The following AEBP2 variants were observed in gnomAD, a reference collection of about 807,000 sequenced individuals.
AEBP2 encodes zinc finger protein AEBP2.
AEBP2 carries 10 observed loss-of-function variants against 50.8 expected under a neutral mutation model. The observed-to-expected ratio is 0.20, with a 90% CI of 0.12 to 0.33. AEBP2 has a LOEUF of 0.33. Among genes scored for constraint, AEBP2 ranks in the 10% least tolerant of loss-of-function variants. The pLI, the probability that AEBP2 is intolerant of heterozygous loss-of-function variation, is 1.00. For synonymous variants in AEBP2, 296 were observed against 261.3 expected (o/e 1.13, Z -1.28); for missense variants, 570 against 688.0 (o/e 0.83, Z 1.92).
At chr12:19,468,204 T>G (rs1948515106) in intron 2 of AEBP2, among the ~76,000 whole-genome samples, 1 of 150,700 alleles carries the variant, frequency 6.6e-6, no homozygotes, top group Non-Finnish European at 1.5e-5. Context: ...AAGCTAGTCT[T>G]ACTATGTTGT....
At chr12:19,494,110 C>G (rs985572902) in intron 4 of AEBP2, 124 bp downstream of exon 4, 30 of 1,073,824 alleles carry the variant, frequency 2.8e-5, no homozygotes, top group Non-Finnish European at 3.7e-5. Context: ...GGTAGGATGC[C>G]TGTCTGTCAG....
chr12:19,454,245 A>T, intron 1 of AEBP2, among the ~76,000 whole-genome samples: 1 of 152,144 alleles, frequency 6.6e-6, no homozygotes, highest in Admixed American at 6.6e-5. Context: ...TTTTATTTGG[A>T]AGACAACATT....
intron 1 of AEBP2, among the ~76,000 whole-genome samples, chr12:19,461,713 G>GT (rs1256257062): frequency 6.6e-6 from 1 of 152,036 alleles, no homozygotes; most frequent in Non-Finnish European, 1.5e-5. Flanking sequence ...ATTTCACCAT[G>GT]TTGGCCAGGC....
chr12:19,425,819 C>T lies in AEBP2; in HGVS notation c.-17+21603C>T, dbSNP rs537027816. 1.7e-4 allele frequency among the ~76,000 whole-genome samples: 26 copies of T among 149,718 alleles called. No homozygotes were observed. The East Asian group carries it at 4.7e-3, about 27-fold the overall frequency. On this transcript the variant is annotated intron_variant, in intron 1 of 3. Coordinates refer to the AEBP2 transcript ENST00000538425. ...AGTGGAATTAAAGGTATTCAAGGTA[C>T]GAGGGTTGTCTGTAATAGTTGGGAG...
chr12:19,458,961 G>T (rs10770489), intron 1 of AEBP2, among the ~76,000 whole-genome samples: 129,011 of 152,210 alleles, frequency 0.85, 54,983 homozygotes, highest in African/African-American at 0.93. Flanking sequence ...ATTGGATCAT[G>T]ACTACCCTGC....
At chr12:19,512,270 T>C in intron 5 of AEBP2, 128 bp from the exon 6 acceptor site, 1 of 543,576 alleles carries the variant, frequency 1.8e-6, no homozygotes, top group Non-Finnish European at 3.2e-6. Context: ...TCCACCCGCC[T>C]TGGCCTCCCA....
rs754195220 is a variant in AEBP2 at position 19,501,797 on chromosome 12, G to GTTTTTTTTTTTTT, written c.1299+1584_1299+1596dup. Among the ~76,000 whole-genome samples, 35 of 70,902 alleles carry GTTTTTTTTTTTTT rather than the reference G, an allele frequency of 4.9e-4. 2 individuals carry two copies. The highest frequency in any genetic ancestry group is 1.3e-3 in the South Asian group (2 of 1,490). 46.5% of individuals were successfully genotyped at this position (70,902 alleles called of 152,430 possible). ...CGTCGTCTCCTATAAAAATGAGTTT[G>GTTTTTTTTTTTTT]TTTTTTTTTTTTTTTTTTTTGCATT... On this transcript the variant is annotated intron_variant, in intron 5 of 7. Transcript: ENST00000266508.
At chr12:19,425,738 C>CTG (rs2095748194) in intron 1 of AEBP2, among the ~76,000 whole-genome samples, 2 of 146,132 alleles carry the variant, frequency 1.4e-5, no homozygotes, top group Admixed American at 1.4e-4. Context: ...TGCCACTGCA[C>CTG]TCCAGCCTGA....
Position 19,492,370 on chromosome 12 carries a change from T to A in AEBP2, c.988-1430T>A, listed in dbSNP as rs564048767. 6.6e-5 allele frequency among the ~76,000 whole-genome samples: 10 copies of A among 152,318 alleles called. No individual in the cohort carries two copies. The South Asian group carries it at 1.9e-3, about 28-fold the overall frequency. On this transcript the variant is annotated intron_variant, in intron 3 of 7. Transcript: ENST00000266508. ...TCTGGTGCTACCTGAACATTCTGCATTCTTTGTTAAAATAGCACATCTGTC... is the reference window on the plus strand; with the variant it reads ...TCTGGTGCTACCTGAACATTCTGCAATCTTTGTTAAAATAGCACATCTGTC...
Position 19,518,224 on chromosome 12 carries a change from T to TC in AEBP2, c.*107_*108insC, listed in dbSNP as rs1186429801. ...ACATTAGAGTCAACCCCTTCTTTTT[T>TC]TTTTTTTTTTTTTTAAATCCAGTAT... On this transcript the variant is annotated 3_prime_UTR_variant, in exon 8 of 8. Transcript: ENST00000266508. 2.9e-6 allele frequency: 4 copies of TC among 1,362,696 alleles called. No homozygotes were observed. The highest frequency in any genetic ancestry group is 2.8e-6 in the Non-Finnish European group (3 of 1,054,512). The allele number at this position is 1,362,696 out of a possible 1,614,324, so 84.4% of individuals were successfully genotyped here.
rs559832431 is a variant in AEBP2 at position 19,413,932 on chromosome 12, C to T, written c.-17+9716C>T. ...TTTTTTTGAGACAGTCTCACTGTGT[C>T]ACCCAGGCTGGAGTGCAGCGCCGCC... On this transcript the variant is annotated intron_variant, in intron 1 of 3. Coordinates refer to the AEBP2 transcript ENST00000538425. Among the ~76,000 whole-genome samples, 30 of 149,982 alleles carry T rather than the reference C, an allele frequency of 2.0e-4. No homozygotes were observed. The East Asian group carries it at 5.5e-3, about 27-fold the overall frequency.
chr12:19,463,426 G>C lies in AEBP2; in HGVS notation c.879+709G>C, dbSNP rs565264094. Among the ~76,000 whole-genome samples the C allele has an allele frequency of 1.8e-4, 28 of 152,088 alleles. 1 individual carries two copies. The highest frequency in any genetic ancestry group is 3.7e-4 in the Non-Finnish European group (25 of 68,022). Reference sequence around the variant, plus strand: ...GTTATCACACTTAGTGCATTTTTCAGAAATTAATGTCACAGTGTAAGGGCA... The same window carrying C: ...GTTATCACACTTAGTGCATTTTTCACAAATTAATGTCACAGTGTAAGGGCA... On this transcript the variant is annotated intron_variant, in intron 2 of 7. Coordinates refer to ENST00000266508, the MANE Select transcript of AEBP2 (RefSeq NM_153207.5).
At chr12:19,413,451 C>T (rs1238438918) in intron 1 of AEBP2, 4 of 1,103,106 alleles carry the variant, frequency 3.6e-6, no homozygotes, top group Middle Eastern at 2.9e-4. Context: ...ATGAAGAAGA[C>T]GATTATTGAA....
intron 3 of AEBP2, among the ~76,000 whole-genome samples, chr12:19,478,912 A>G (rs893302947): frequency 6.6e-6 from 1 of 152,106 alleles, no homozygotes; most frequent in Non-Finnish European, 1.5e-5. Flanking sequence ...TGGTCTATCC[A>G]TGTCCTGATG....
chr12:19,446,438 C>T (rs1592720990), intron 1 of AEBP2, among the ~76,000 whole-genome samples: 2 of 152,200 alleles, frequency 1.3e-5, no homozygotes, highest in East Asian at 3.9e-4. Flanking sequence ...GTAACAAGAT[C>T]CCATCTACAG....
intron 1 of AEBP2, among the ~76,000 whole-genome samples, chr12:19,455,775 A>T (rs1948259315): frequency 6.6e-6 from 1 of 152,204 alleles, no homozygotes; most frequent in Non-Finnish European, 1.5e-5. Context: ...AATGTTGTTG[A>T]TGTTGAAAAT....
At chr12:19,502,000 T>A (rs1267735775) in intron 5 of AEBP2, among the ~76,000 whole-genome samples, 1 of 151,936 alleles carries the variant, frequency 6.6e-6, no homozygotes, top group Non-Finnish European at 1.5e-5. Flanking sequence ...ATATGGGAGG[T>A]TTTGCATAGA....
intron 1 of AEBP2, among the ~76,000 whole-genome samples, chr12:19,441,428 C>T (rs1947957243): frequency 6.6e-6 from 1 of 152,076 alleles, no homozygotes; most frequent in African/African-American, 2.4e-5. Flanking sequence ...TTATTTTGAC[C>T]ATCTATGTTT....
rs531056869 is a variant in AEBP2, at chr12:19,502,180, G to T, written c.1299+1959G>T. Reference sequence around the variant, plus strand: ...GACAGAGTCTTGCTCTGTTGCCCAGGTTGAAGTGCAGTGGCATGATCTAGG... The same window carrying T: ...GACAGAGTCTTGCTCTGTTGCCCAGTTTGAAGTGCAGTGGCATGATCTAGG... On this transcript the variant is annotated intron_variant, in intron 5 of 7. Transcript: ENST00000266508. Among the ~76,000 whole-genome samples the T allele has an allele frequency of 2.0e-5, 3 of 152,132 alleles. No homozygotes were observed. In the South Asian group the frequency reaches 6.2e-4, roughly 32 times the overall value.
Sources: allele counts gnomAD v4.1 joint callset (sites outside exome capture counted in the v4.1 genomes callset), GRCh38; gene constraint gnomAD v4.1.1; transcripts MANE v1.5; gene names NCBI Gene and HGNC (gene_info 2026-07-23, HGNC 2026-07-21).